The following PDE1C variants were observed in gnomAD, a reference collection of about 807,000 sequenced individuals.
The protein encoded by PDE1C is dual specificity calcium/calmodulin-dependent 3',5'-cyclic nucleotide phosphodiesterase 1C.
PDE1C carries 62 observed loss-of-function variants against 93.1 expected under a neutral mutation model. The observed-to-expected ratio is 0.67, with a 90% CI of 0.54 to 0.82. The LOEUF is 0.82. Among genes scored for constraint, PDE1C ranks in the 40% least tolerant of loss-of-function variants. The pLI is 0.00. For missense variants in PDE1C, 742 were observed against 884.6 expected, an observed-to-expected ratio of 0.84 and a Z score of 2.04; for synonymous variants, 325 against 310.1, an observed-to-expected ratio of 1.05 and a Z score of -0.50.
intron 2 of PDE1C, among the ~76,000 whole-genome samples, chr7:32,031,679 C>A (rs916317836): frequency 6.6e-6 from 1 of 152,122 alleles, no homozygotes; most frequent in African/African-American, 2.4e-5. Flanking sequence ...AGGAGGAAGT[C>A]AAATTAGACT....
chr7:31,989,504 A>G (rs1783892714), intron 2 of PDE1C, among the ~76,000 whole-genome samples: 1 of 152,176 alleles, frequency 6.6e-6, no homozygotes, highest in South Asian at 2.1e-4. Flanking sequence ...ACTTTTATCT[A>G]ATTTTTCTTC....
the PDE1C span, chr7:31,642,861 C>T: frequency 1.4e-3 from 2,188 of 1,613,878 alleles, 2 homozygotes; most frequent in Non-Finnish European, 1.7e-3. Context: ...AACAAAGGGC[C>T]TCAGTATCTG....
chr7:31,784,445 C>A (rs1038200011), intron 16 of PDE1C: 1 of 152,162 alleles, frequency 6.6e-6, no homozygotes, highest in African/African-American at 2.4e-5. Context: ...CCCCATCTAT[C>A]CCCAGCGACC....
the PDE1C span, among the ~76,000 whole-genome samples, chr7:31,680,837 G>GA: frequency 2.6e-3 from 400 of 152,294 alleles, no homozygotes; most frequent in African/African-American, 9.2e-3. Context: ...AAAACTGAGT[G>GA]AAAGGGCAAA....
chr7:32,258,848 T>C (rs1809995796), intron 1 of PDE1C, among the ~76,000 whole-genome samples: 1 of 152,164 alleles, frequency 6.6e-6, no homozygotes, highest in African/African-American at 2.4e-5. Context: ...CCCAGCTCCT[T>C]CCAGGCCTGC....
chr7:31,986,971 T>C (rs1783497115), intron 2 of PDE1C, among the ~76,000 whole-genome samples: 1 of 151,230 alleles, frequency 6.6e-6, no homozygotes, highest in East Asian at 1.9e-4. Context: ...CACACAAAAC[T>C]AGGAAGAAAC....
At chr7:32,307,924 G>T (rs991980534) in intron 1 of PDE1C, among the ~76,000 whole-genome samples, 2 of 152,186 alleles carry the variant, frequency 1.3e-5, no homozygotes. Context: ...CCGAAGCAGG[G>T]CGAGGCATTG....
In PDE1C at chr7:31,833,655, C is replaced by G. The variant is rs150339233; in HGVS notation, c.1203+3525G>C. Among the ~76,000 whole-genome samples the G allele has an allele frequency of 4.9e-3, 739 of 152,238 alleles. 4 individuals are homozygous for G. The highest frequency in any genetic ancestry group is 8.7e-3 in the Non-Finnish European group (592 of 68,012). On this transcript the variant is annotated intron_variant, in intron 11 of 17. Transcript: ENST00000396191. ...AGCATTTTACCCCTGCCCTAGAGATCTGTGGAACTTTGAACTTGAGGGAAA... is the reference window on the plus strand; with the variant it reads ...AGCATTTTACCCCTGCCCTAGAGATGTGTGGAACTTTGAACTTGAGGGAAA...
chr7:32,421,913 G>T (rs1785439864), intron 1 of PDE1C, among the ~76,000 whole-genome samples: 2 of 152,090 alleles, frequency 1.3e-5, no homozygotes, highest in African/African-American at 2.4e-5. Context: ...GGCTAGGCAG[G>T]TTACTTGATT....
At chr7:31,714,963 G>T in the PDE1C span, among the ~76,000 whole-genome samples, 1 of 152,118 alleles carries the variant, frequency 6.6e-6, no homozygotes, top group East Asian at 1.9e-4. Context: ...GGGGCAGGGG[G>T]TGCTGTCCTT....
At chr7:32,144,800 C>G (rs1487995301) in intron 3 of PDE1C, among the ~76,000 whole-genome samples, 2 of 152,132 alleles carry the variant, frequency 1.3e-5, no homozygotes, top group Non-Finnish European at 2.9e-5. Flanking sequence ...TGCTGGGTCT[C>G]AACTATTTCC....
intron 3 of PDE1C, among the ~76,000 whole-genome samples, chr7:32,147,984 TAAAAAAA>T (rs752433564): frequency 1.3e-4 from 10 of 79,728 alleles, no homozygotes; most frequent in Non-Finnish European, 1.6e-4. Flanking sequence ...CCATTTATGC[TAAAAAAA>T]AAAAAAAAAA....
At chr7:31,859,447 TAATAATATA>T (rs150371494) in intron 7 of PDE1C, among the ~76,000 whole-genome samples, 38,611 of 148,318 alleles carry the variant, frequency 0.26, 5,398 homozygotes, top group Non-Finnish European at 0.31. Flanking sequence ...CCTATAACTT[TAATAATATA>T]AATAATATAA....
chr7:31,652,986 A>G, the PDE1C span: 5 of 1,435,218 alleles, frequency 3.5e-6, no homozygotes, highest in African/African-American at 5.7e-5. Context: ...AGGAGTTTAG[A>G]ATACTCTAAT....
intron 1 of PDE1C, among the ~76,000 whole-genome samples, chr7:32,386,960 G>A (rs1021076925): frequency 1.2e-3 from 176 of 151,304 alleles, no homozygotes; most frequent in Admixed American, 4.7e-3. Context: ...ATAGTGGAGG[G>A]AAGGTCAGCA....
intron 2 of PDE1C, among the ~76,000 whole-genome samples, chr7:31,967,981 G>A (rs368052802): frequency 1.3e-5 from 2 of 152,276 alleles, no homozygotes; most frequent in African/African-American, 4.8e-5. Context: ...AGCTGTCTAT[G>A]ACAAACCCAC....
intron 1 of PDE1C, among the ~76,000 whole-genome samples, chr7:32,312,578 A>G (rs1783071262): frequency 6.6e-6 from 1 of 152,338 alleles, no homozygotes; most frequent in African/African-American, 2.4e-5. Flanking sequence ...ATGGAACAGA[A>G]CAGAGCCCTC....
chr7:31,921,673 G>T (rs1802638166), intron 2 of PDE1C, among the ~76,000 whole-genome samples: 1 of 152,080 alleles, frequency 6.6e-6, no homozygotes, highest in Non-Finnish European at 1.5e-5. Context: ...GAGAGAAGTT[G>T]ACAGAGTAAA....
chr7:32,182,081 A>T (rs950732178), intron 2 of PDE1C, among the ~76,000 whole-genome samples: 4 of 152,186 alleles, frequency 2.6e-5, no homozygotes, highest in East Asian at 3.9e-4. Context: ...ACATATACAC[A>T]CTCCCAAGAC....
Sources: gnomAD v4.1 joint callset for allele counts (sites outside exome capture counted in the v4.1 genomes callset) on GRCh38, gnomAD v4.1.1 for gene constraint, MANE v1.5 for transcripts, NCBI Gene and HGNC (gene_info 2026-07-23, HGNC 2026-07-21) for gene names.